NEGR1: variants seen among roughly 807,000 people sequenced by gnomAD.
NEGR1 encodes neuronal growth regulator 1, also known as IgLON family member 4.
A neutral mutation model predicts 40.9 loss-of-function variants in NEGR1; 10 were observed. The observed-to-expected ratio is 0.24, with a 90% CI of 0.15 to 0.42. NEGR1 has a LOEUF of 0.42. Ranked by LOEUF, NEGR1 falls within the 10% of genes least tolerant of loss-of-function variation. NEGR1 has a pLI of 1.00. For synonymous variants in NEGR1, 185 were observed against 166.8 expected, an observed-to-expected ratio of 1.11 and a Z score of -0.84; for missense variants, 352 against 438.9, an observed-to-expected ratio of 0.80 and a Z score of 1.77.
At chr1:71,970,304 C>T (rs182136595) in intron 1 of NEGR1, among the ~76,000 whole-genome samples, 25 of 152,116 alleles carry the variant, frequency 1.6e-4, no homozygotes, top group African/African-American at 6.0e-4. Flanking sequence ...CTAAATGTTA[C>T]TTCAAGGAAT....
At chr1:71,954,428 A>T (rs1278706792) in intron 1 of NEGR1, among the ~76,000 whole-genome samples, 1 of 152,012 alleles carries the variant, frequency 6.6e-6, no homozygotes, top group Non-Finnish European at 1.5e-5. Context: ...GGCTTTTTTG[A>T]TCATATCCTA....
At chr1:71,725,314 A>G (rs1654634379) in intron 3 of NEGR1, among the ~76,000 whole-genome samples, 1 of 151,914 alleles carries the variant, frequency 6.6e-6, no homozygotes, top group Non-Finnish European at 1.5e-5. Context: ...CCCTCTCACC[A>G]CTCATTGCTT....
At chr1:71,828,921 G>T (rs1474512499) in intron 2 of NEGR1, among the ~76,000 whole-genome samples, 1 of 151,968 alleles carries the variant, frequency 6.6e-6, no homozygotes, top group Non-Finnish European at 1.5e-5. Flanking sequence ...AGAGAGTCAA[G>T]GGCCTGTGTA....
At chr1:72,109,473 A>G (rs923954702) in intron 1 of NEGR1, among the ~76,000 whole-genome samples, 2 of 151,670 alleles carry the variant, frequency 1.3e-5, no homozygotes, top group South Asian at 2.1e-4. Flanking sequence ...TTCCTAAAAA[A>G]TGTCTACAGA....
At chr1:71,762,558 T>C (rs1373602707) in intron 3 of NEGR1, among the ~76,000 whole-genome samples, 1 of 152,132 alleles carries the variant, frequency 6.6e-6, no homozygotes, top group Admixed American at 6.5e-5. Context: ...TCTATAATAT[T>C]TGAATGGTTT....
At chr1:71,793,339 G>A (rs891752284) in intron 2 of NEGR1, among the ~76,000 whole-genome samples, 9 of 36,114 alleles carry the variant, frequency 2.5e-4, no homozygotes, top group Non-Finnish European at 4.6e-4. Flanking sequence ...TTGAACTCCC[G>A]ACCTTGTGAT....
chr1:71,793,883 A>G (rs1020144496), intron 2 of NEGR1, among the ~76,000 whole-genome samples: 1 of 152,234 alleles, frequency 6.6e-6, no homozygotes, highest in South Asian at 2.1e-4. Context: ...CAATCTAGGG[A>G]TAGTTTCTTT....
chr1:72,016,614 A>C (rs972862722), intron 1 of NEGR1, among the ~76,000 whole-genome samples: 1 of 152,198 alleles, frequency 6.6e-6, no homozygotes, highest in Non-Finnish European at 1.5e-5. Flanking sequence ...AAATGCTGAG[A>C]TCTTGCTTTC....
At chr1:71,976,663 A>G (rs532923727) in intron 1 of NEGR1, among the ~76,000 whole-genome samples, 2 of 152,300 alleles carry the variant, frequency 1.3e-5, no homozygotes, top group Admixed American at 1.3e-4. Context: ...TTCTGAGTTT[A>G]TAAGTGAAAT....
chr1:71,929,318 G>A (rs1360953689), intron 2 of NEGR1, among the ~76,000 whole-genome samples: 2 of 151,908 alleles, frequency 1.3e-5, no homozygotes, highest in East Asian at 1.9e-4. Flanking sequence ...TTTTGGGTAG[G>A]GTAACGACAC....
rs74852582 is a variant in NEGR1, at chr1:72,232,919, G to C, written c.176+49400C>G. Among the ~76,000 whole-genome samples the C allele has an allele frequency of 8.5e-3, 1,288 of 152,262 alleles. 19 individuals carry two copies. The highest frequency in any genetic ancestry group is 0.03 in the African/African-American group (1,226 of 41,544). On this transcript the variant is annotated intron_variant, in intron 1 of 6. Coordinates refer to ENST00000357731, the MANE Select transcript of NEGR1 (RefSeq NM_173808.3). ...CATCTAAAACGGTAGGAAGATGAAA[G>C]TAAACGGAAAGATGTACACAGTAAA...
At chr1:72,113,855 T>C (rs1246402144) in intron 1 of NEGR1, among the ~76,000 whole-genome samples, 2 of 151,762 alleles carry the variant, frequency 1.3e-5, no homozygotes, top group Non-Finnish European at 2.9e-5. Flanking sequence ...AATTTAACTC[T>C]TGTGTGTGAC....
intron 1 of NEGR1, among the ~76,000 whole-genome samples, chr1:72,098,303 G>A (rs866355297): frequency 1.3e-5 from 2 of 151,914 alleles, no homozygotes; most frequent in Non-Finnish European, 2.9e-5. Flanking sequence ...AATTTAAAAC[G>A]GAAACAACAT....
At chr1:72,264,917 A>G (rs1655590995) in intron 1 of NEGR1, among the ~76,000 whole-genome samples, 1 of 150,732 alleles carries the variant, frequency 6.6e-6, no homozygotes, top group Admixed American at 6.6e-5. Flanking sequence ...ACAATAAATT[A>G]TTTTATTTAT....
intron 1 of NEGR1, among the ~76,000 whole-genome samples, chr1:72,252,494 T>G (rs1449607555): frequency 6.6e-6 from 1 of 152,176 alleles, no homozygotes; most frequent in Non-Finnish European, 1.5e-5. Context: ...AACCACAAAT[T>G]TGGTTTGATA....
At chr1:71,597,806 G>A (rs901911170) in intron 5 of NEGR1, among the ~76,000 whole-genome samples, 3 of 151,900 alleles carry the variant, frequency 2.0e-5, no homozygotes, top group African/African-American at 7.2e-5. Flanking sequence ...CCTGCTACTC[G>A]GAGGGCTGAG....
At chr1:71,685,722 T>C (rs546252398) in intron 4 of NEGR1, among the ~76,000 whole-genome samples, 41 of 152,350 alleles carry the variant, frequency 2.7e-4, no homozygotes, top group African/African-American at 9.6e-4. Flanking sequence ...AAATTTATTT[T>C]TCTCTCCATT....
intron 1 of NEGR1, among the ~76,000 whole-genome samples, chr1:72,226,274 A>G (rs1654187699): frequency 6.6e-6 from 1 of 151,982 alleles, no homozygotes; most frequent in Admixed American, 6.6e-5. Context: ...TTAATAACAC[A>G]GGTCTTTTAA....
intron 1 of NEGR1, among the ~76,000 whole-genome samples, chr1:72,226,588 G>T (rs1654197776): frequency 6.6e-6 from 1 of 151,844 alleles, no homozygotes; most frequent in Non-Finnish European, 1.5e-5. Context: ...TTCAAAATTT[G>T]CAAGTTACAT....
Sources: allele counts gnomAD v4.1 joint callset (sites outside exome capture counted in the v4.1 genomes callset), GRCh38; gene constraint gnomAD v4.1.1; transcripts MANE v1.5; gene names NCBI Gene and HGNC (gene_info 2026-07-23, HGNC 2026-07-21).